PANX1: variants seen among roughly 807,000 people sequenced by gnomAD.
PANX1 encodes the protein pannexin-1.
Under a neutral mutation model 38.7 loss-of-function variants are expected in PANX1, and 30 were observed. The ratio of observed to expected loss-of-function variants is 0.78; its 90% CI spans 0.58 to 1.05. The LOEUF (loss-of-function observed/expected upper bound fraction) is 1.05, where lower values mean the gene tolerates loss of function less well. Among genes scored for constraint, PANX1 ranks in the 50% least tolerant of loss-of-function variants. PANX1 has a pLI of 0.00. For synonymous variants in PANX1, 230 were observed against 212.2 expected (o/e 1.08, Z -0.73); for missense variants, 551 against 517.2 (o/e 1.07, Z -0.63).
In PANX1 at chr11:94,153,528, C is replaced by T; in HGVS notation, c.219C>T (p.Ser73=). The change falls in exon 2 of 5, where the codon TCC becomes TCT. Residue 73 remains serine (S), a synonymous_variant. Coordinates refer to ENST00000227638, the MANE Select transcript of PANX1 (RefSeq NM_015368.4). The part of the protein sequence containing the change: ...QISCFSPSSF[S]WRQAAFVDSY... ...GCTGTTTCTCTCCAAGTTCTTTCTC[C>T]TGGCGTCAGGCTGCCTTTGTGGATT... 3 of 1,614,170 alleles carry T rather than the reference C, an allele frequency of 1.9e-6. No homozygotes were observed. The highest frequency in any genetic ancestry group is 8.5e-7 in the Non-Finnish European group (1 of 1,180,020).
chr11:94,165,422 T>C (rs761708727), intron 2 of PANX1, among the ~76,000 whole-genome samples: 1 of 152,072 alleles, frequency 6.6e-6, no homozygotes, highest in Non-Finnish European at 1.5e-5. Context: ...ATGAGCAAAA[T>C]AACCAGCTAA....
chr11:94,170,857 A>G (rs559192814), intron 2 of PANX1, among the ~76,000 whole-genome samples: 135 of 151,830 alleles, frequency 8.9e-4, no homozygotes, highest in Admixed American at 2.7e-3. Context: ...AGTTCAACAC[A>G]AGGAGAGTCT....
chr11:94,136,509 G>A (rs370730373), intron 1 of PANX1, among the ~76,000 whole-genome samples: 180 of 152,312 alleles, frequency 1.2e-3, no homozygotes, highest in African/African-American at 3.9e-3. Context: ...GGCCGGGCGC[G>A]GTGACTCATG....
intron 2 of PANX1, among the ~76,000 whole-genome samples, chr11:94,170,674 G>T (rs931592214): frequency 6.6e-6 from 1 of 151,762 alleles, no homozygotes; most frequent in Non-Finnish European, 1.5e-5. Context: ...AGGCTCCGAG[G>T]GCCAGAGTGA....
At chr11:94,162,933 A>G (rs1947063622) in intron 2 of PANX1, among the ~76,000 whole-genome samples, 1 of 136,004 alleles carries the variant, frequency 7.4e-6, no homozygotes, top group Non-Finnish European at 1.5e-5. Flanking sequence ...GTGTAGTGGC[A>G]CAAACATGGC....
intron 2 of PANX1, among the ~76,000 whole-genome samples, chr11:94,176,440 T>C: frequency 6.6e-6 from 1 of 151,806 alleles, no homozygotes; most frequent in East Asian, 1.9e-4. Context: ...GAAAAACTAC[T>C]ACTGTACTTT....
chr11:94,173,430 T>C (rs1366694370), intron 2 of PANX1, among the ~76,000 whole-genome samples: 2 of 151,592 alleles, frequency 1.3e-5, no homozygotes, highest in Non-Finnish European at 2.9e-5. Context: ...GCGTTTTGAC[T>C]GCAGGTATCT....
intron 2 of PANX1, among the ~76,000 whole-genome samples, chr11:94,170,823 G>A (rs1156925723): frequency 2.0e-5 from 3 of 151,744 alleles, no homozygotes; most frequent in South Asian, 4.1e-4. Context: ...GCCTGTAGGT[G>A]ATGGTCACCT....
chr11:94,138,317 T>C (rs1946724873), intron 1 of PANX1, among the ~76,000 whole-genome samples: 2 of 152,246 alleles, frequency 1.3e-5, no homozygotes, highest in African/African-American at 4.8e-5. Flanking sequence ...GTATGTATTT[T>C]TTCCATTTAT....
intron 1 of PANX1, among the ~76,000 whole-genome samples, chr11:94,143,756 T>C (rs1002931930): frequency 1.3e-5 from 2 of 152,044 alleles, no homozygotes; most frequent in African/African-American, 4.8e-5. Context: ...TCTTTTTTTT[T>C]TTTTCTTTTT....
rs12793348 is a variant in PANX1 at position 94,179,870 on chromosome 11, A to G, written c.814A>G (p.Ile272Val). Residue 272 changes from isoleucine to valine, a missense_variant, in exon 4 of 5, where the codon ATC becomes GTC. By Grantham distance (29) the Ile-to-Val change is conservative (BLOSUM62 3). Transcript: ENST00000227638. ...QFQCKLIAVGIFQLLSVINLV... is the reference protein window; with the variant it reads ...QFQCKLIAVGVFQLLSVINLV... ...TCAGTGCAAACTCATTGCCGTGGGC[A>G]TCTTCCAGTTGCTCAGTGTCATTAA... 0.088 allele frequency: 142,712 copies of G among 1,613,916 alleles called. 7,333 individuals are homozygous for G. The highest frequency in any genetic ancestry group is 0.24 in the East Asian group (10,924 of 44,842).
chr11:94,149,161 G>C (rs1475189013), intron 1 of PANX1, among the ~76,000 whole-genome samples: 1 of 152,182 alleles, frequency 6.6e-6, no homozygotes, highest in African/African-American at 2.4e-5. Context: ...AAAATGGGGG[G>C]CGTAGATCAT....
At chr11:94,176,297 A>G (rs1028050309) in intron 2 of PANX1, among the ~76,000 whole-genome samples, 1 of 151,594 alleles carries the variant, frequency 6.6e-6, no homozygotes, top group Non-Finnish European at 1.5e-5. Context: ...ACCTATATAT[A>G]TATTATTTTA....
chr11:94,179,117 G>A (rs1026992847), intron 3 of PANX1, among the ~76,000 whole-genome samples: 1 of 152,106 alleles, frequency 6.6e-6, no homozygotes, highest in African/African-American at 2.4e-5. Context: ...AGTTATTTAA[G>A]TACATTATCT....
At position 94,181,782 on chromosome 11, in the gene PANX1, A is replaced by C. The variant is rs2134531803; in HGVS notation, c.*913A>C. ...TGAATGTGATCAGGGCACATAAGTG[A>C]CATTGGCATGCTTCATATGGCGTGC... is the stretch of plus-strand genomic sequence containing the variant. On this transcript the variant is annotated 3_prime_UTR_variant, in exon 5 of 5. Coordinates refer to ENST00000227638, the MANE Select transcript of PANX1 (RefSeq NM_015368.4). 6.6e-6 allele frequency: 1 copy of C among 152,366 alleles called. No individual in the cohort carries two copies. Among genetic ancestry groups the C allele is most frequent in the South Asian group, 2.1e-4 (1 of 4,828 alleles). 9.4% of individuals were successfully genotyped at this position (152,366 alleles called of 1,614,324 possible). A position where few individuals can be genotyped will look rare whatever the true frequency, so the allele number is the denominator to read the frequency against.
At position 94,159,870 on chromosome 11, in the gene PANX1, T is replaced by C. The variant is rs1373942132; in HGVS notation, c.321+6240T>C. Reference sequence around the variant, plus strand: ...GCTTTCTCTTGTGGGCATTTAGTGCTCTAAATTTCCCTCTATACACTGCTT... The same window carrying C: ...GCTTTCTCTTGTGGGCATTTAGTGCCCTAAATTTCCCTCTATACACTGCTT... On this transcript the variant is annotated intron_variant, in intron 2 of 4. Coordinates refer to ENST00000227638, the MANE Select transcript of PANX1 (RefSeq NM_015368.4). 2.6e-5 allele frequency among the ~76,000 whole-genome samples: 4 copies of C among 152,132 alleles called. No individual in the cohort carries two copies. In the South Asian group the frequency reaches 6.3e-4, roughly 24 times the overall value.
chr11:94,158,917 C>T (rs546578474), intron 2 of PANX1, among the ~76,000 whole-genome samples: 4 of 152,224 alleles, frequency 2.6e-5, no homozygotes, highest in East Asian at 1.9e-4. Context: ...TTTTGAGATA[C>T]GTGCCATCAA....
chr11:94,172,724 A>T (rs531927600), intron 2 of PANX1, among the ~76,000 whole-genome samples: 14 of 151,790 alleles, frequency 9.2e-5, no homozygotes, highest in South Asian at 6.2e-4. Flanking sequence ...GGAATACTCA[A>T]GCTCTCCCAG....
chr11:94,135,526 C>T (rs1434670977), intron 1 of PANX1, among the ~76,000 whole-genome samples: 1 of 152,154 alleles, frequency 6.6e-6, no homozygotes, highest in African/African-American at 2.4e-5. Flanking sequence ...TCAGGGTTGT[C>T]TATCAGAGTG....
Sources: gnomAD v4.1 joint callset for allele counts (sites outside exome capture counted in the v4.1 genomes callset) on GRCh38, gnomAD v4.1.1 for gene constraint, MANE v1.5 for transcripts, NCBI Gene and HGNC (gene_info 2026-07-23, HGNC 2026-07-21) for gene names.